The following CHCHD6 variants were observed in gnomAD, a reference collection of about 807,000 sequenced individuals.
CHCHD6 encodes coiled-coil-helix-coiled-coil-helix domain containing 6, also known as MICOS complex subunit MIC25.
A neutral mutation model predicts 32.3 loss-of-function variants in CHCHD6; 28 were observed. The observed-to-expected ratio is 0.87, with a 90% CI of 0.64 to 1.19. The LOEUF (loss-of-function observed/expected upper bound fraction) is 1.19, where lower values mean the gene tolerates loss of function less well. Ranked by LOEUF, CHCHD6 falls within the 50% of genes most tolerant of loss-of-function variation. CHCHD6 has a pLI of 0.00. For synonymous variants in CHCHD6, 122 were observed against 117.5 expected (o/e 1.04, Z -0.25); for missense variants, 333 against 307.0 (o/e 1.08, Z -0.63).
chr3:126,869,090 C>A (rs1467302359), intron 5 of CHCHD6, among the ~76,000 whole-genome samples: 1 of 152,138 alleles, frequency 6.6e-6, no homozygotes, highest in Non-Finnish European at 1.5e-5. Flanking sequence ...AAGTATGGCT[C>A]CTAATCTCCA....
At chr3:126,766,675 C>G in intron 4 of CHCHD6, 1 of 1,064,916 alleles carries the variant, frequency 9.4e-7, no homozygotes. Context: ...CACAATGATG[C>G]TGCTCTTCCC....
chr3:126,920,920 T>C (rs531579718), intron 6 of CHCHD6, among the ~76,000 whole-genome samples: 26 of 152,308 alleles, frequency 1.7e-4, no homozygotes, highest in African/African-American at 6.3e-4. Context: ...CCTAGTTGCG[T>C]TGGTCCTTAG....
rs766665268 is a variant in CHCHD6, at chr3:126,727,189, A to T, written c.196+3A>T. 7 of 1,583,614 alleles carry T rather than the reference A, an allele frequency of 4.4e-6. No homozygotes were observed. In the Admixed American group the frequency reaches 1.2e-4, roughly 26 times the overall value. ...CAACTTGAGAGCCCCTCACAAAGGTATGGGGATTGTGACAGTTCTGTGGAG... is the reference window on the plus strand; with the variant it reads ...CAACTTGAGAGCCCCTCACAAAGGTTTGGGGATTGTGACAGTTCTGTGGAG... On this transcript the variant is annotated splice_donor_region_variant and intron_variant, in intron 2 of 7. Coordinates refer to ENST00000290913, the MANE Select transcript of CHCHD6 (RefSeq NM_032343.3).
At chr3:126,840,335 G>A (rs1325384542) in intron 4 of CHCHD6, among the ~76,000 whole-genome samples, 1 of 152,112 alleles carries the variant, frequency 6.6e-6, no homozygotes, top group Non-Finnish European at 1.5e-5. Context: ...ACAACTTTGT[G>A]AATGTACTAA....
At chr3:126,949,812 A>G (rs2078692438) in intron 6 of CHCHD6, 1 of 165,102 alleles carries the variant, frequency 6.1e-6, no homozygotes, top group Non-Finnish European at 1.3e-5. Flanking sequence ...CATGGATGGA[A>G]GGAAAGCTGC....
intron 5 of CHCHD6, among the ~76,000 whole-genome samples, chr3:126,881,248 G>T (rs1272985272): frequency 1.3e-5 from 2 of 152,230 alleles, no homozygotes; most frequent in African/African-American, 4.8e-5. Flanking sequence ...GGTAGAGCCT[G>T]TTTCCTTCCC....
intron 5 of CHCHD6, among the ~76,000 whole-genome samples, chr3:126,898,207 G>A (rs550784797): frequency 2.6e-5 from 4 of 152,250 alleles, no homozygotes; most frequent in Middle Eastern, 3.2e-3. Flanking sequence ...GGCTGGGAAC[G>A]AGGTCCCCCT....
chr3:126,828,563 C>T (rs187093701), intron 4 of CHCHD6, among the ~76,000 whole-genome samples: 358 of 152,308 alleles, frequency 2.4e-3, no homozygotes, highest in African/African-American at 7.8e-3. Flanking sequence ...GTTGCAGGCC[C>T]GTCCTGTCGG....
In CHCHD6 at chr3:126,781,894, C is replaced by T. The variant is rs555453641; in HGVS notation, c.411+48672C>T. Among the ~76,000 whole-genome samples, 240 of 152,272 alleles carry T rather than the reference C, an allele frequency of 1.6e-3. 1 individual carries two copies. Among genetic ancestry groups the T allele is most frequent in the Non-Finnish European group, 2.7e-3 (186 of 68,034 alleles). ...GCAAACAGTATTAGGAAGCCCTTGTCTTTGCCAGCAGTGAAGGGGAAAAGC... is the reference window on the plus strand; with the variant it reads ...GCAAACAGTATTAGGAAGCCCTTGTTTTTGCCAGCAGTGAAGGGGAAAAGC... On this transcript the variant is annotated intron_variant, in intron 4 of 7. Transcript: ENST00000290913.
At chr3:126,748,143 C>G (rs1030154835) in intron 4 of CHCHD6, among the ~76,000 whole-genome samples, 1 of 152,282 alleles carries the variant, frequency 6.6e-6, no homozygotes, top group African/African-American at 2.4e-5. Context: ...CCCACTTTCT[C>G]CTCAGATATC....
intron 4 of CHCHD6, among the ~76,000 whole-genome samples, chr3:126,822,441 T>C (rs1940191287): frequency 6.6e-6 from 1 of 152,228 alleles, no homozygotes; most frequent in Admixed American, 6.5e-5. Flanking sequence ...TATGTCCTTA[T>C]GCCAGTACCA....
At chr3:126,790,634 A>G (rs926208476) in intron 4 of CHCHD6, among the ~76,000 whole-genome samples, 1 of 152,192 alleles carries the variant, frequency 6.6e-6, no homozygotes, top group African/African-American at 2.4e-5. Flanking sequence ...AAGCTTGTGC[A>G]TTCGTCATGT....
At chr3:126,843,095 T>G (rs1414202085) in intron 4 of CHCHD6, among the ~76,000 whole-genome samples, 4 of 152,314 alleles carry the variant, frequency 2.6e-5, no homozygotes, top group Admixed American at 2.0e-4. Context: ...GGAAACTTTC[T>G]TCTATTACTA....
At chr3:126,950,689 G>T (rs1304353450) in intron 6 of CHCHD6, among the ~76,000 whole-genome samples, 4 of 152,126 alleles carry the variant, frequency 2.6e-5, no homozygotes, top group African/African-American at 9.7e-5. Context: ...GACCTCAAGT[G>T]ATCGCCTGCA....
chr3:126,804,851 C>A (rs1473673175), intron 4 of CHCHD6, among the ~76,000 whole-genome samples: 1 of 152,106 alleles, frequency 6.6e-6, no homozygotes, highest in African/African-American at 2.4e-5. Context: ...GCTTATCCAC[C>A]GTGATCAAGT....
At chr3:126,792,983 A>G (rs1295563922) in intron 4 of CHCHD6, among the ~76,000 whole-genome samples, 8 of 152,170 alleles carry the variant, frequency 5.3e-5, no homozygotes, top group Non-Finnish European at 8.8e-5. Context: ...TTTTATCATT[A>G]TGTAAAGTTT....
chr3:126,724,856 G>A (rs149113656), intron 1 of CHCHD6, among the ~76,000 whole-genome samples: 42 of 152,258 alleles, frequency 2.8e-4, no homozygotes, highest in African/African-American at 8.9e-4. Flanking sequence ...TCCATAAGAA[G>A]CAACTCCTCA....
At chr3:126,919,310 CTTTTTTCTT>C (rs1559922481) in intron 6 of CHCHD6, among the ~76,000 whole-genome samples, 14 of 29,182 alleles carry the variant, frequency 4.8e-4, no homozygotes, top group Non-Finnish European at 1.2e-3. Flanking sequence ...TATTTCTTTT[CTTTTTTCTT>C]TTTTTTTTTT....
At chr3:126,786,262 A>G (rs751038079) in intron 4 of CHCHD6, among the ~76,000 whole-genome samples, 99 of 152,138 alleles carry the variant, frequency 6.5e-4, no homozygotes, top group Non-Finnish European at 1.2e-3. Context: ...AGTCTTTGCT[A>G]TTGTGAATGG....
Sources: gnomAD v4.1 joint callset for allele counts (sites outside exome capture counted in the v4.1 genomes callset) on GRCh38, gnomAD v4.1.1 for gene constraint, MANE v1.5 for transcripts, NCBI Gene and HGNC (gene_info 2026-07-23, HGNC 2026-07-21) for gene names.